The following TMEFF2 variants were observed in gnomAD, a reference collection of about 807,000 sequenced individuals.
TMEFF2 encodes the protein transmembrane protein with EGF like and two follistatin like domains 2.
In TMEFF2, 28 loss-of-function variants were observed where a neutral mutation model predicts 53.8. That is an observed-to-expected ratio of 0.52 (90% confidence interval 0.39 to 0.71). TMEFF2 has a LOEUF of 0.71. TMEFF2 is among the 30% of genes least tolerant of loss of function. The probability of loss-of-function intolerance (pLI) is 0.00; values close to 1 mark genes in which losing one functional copy is unlikely to be tolerated. For missense variants in TMEFF2, 353 were observed against 455.2 expected (o/e 0.78, Z 2.04); for synonymous variants, 162 against 166.3 (o/e 0.97, Z 0.20).
At chr2:192,085,723 C>G (rs567924982) in intron 4 of TMEFF2, among the ~76,000 whole-genome samples, 1 of 135,156 alleles carries the variant, frequency 7.4e-6, no homozygotes, top group Non-Finnish European at 1.6e-5. Context: ...AAAAAAAAAA[C>G]CACAAAAGAG....
intron 4 of TMEFF2, among the ~76,000 whole-genome samples, chr2:192,166,137 A>AT (rs1690761043): frequency 2.0e-5 from 3 of 152,178 alleles, no homozygotes; most frequent in Non-Finnish European, 4.4e-5. Flanking sequence ...TTTGAAAAGA[A>AT]AAATAAGTGA....
intron 5 of TMEFF2, among the ~76,000 whole-genome samples, chr2:192,037,325 GAAAGAAAGAAAAA>G (rs1687337071): frequency 6.9e-6 from 1 of 145,140 alleles, no homozygotes; most frequent in Non-Finnish European, 1.5e-5. Flanking sequence ...AAGAAAGAAA[GAAAGAAAGAAAAA>G]CAGAAAACAG....
chr2:192,095,759 C>T (rs1422541096), intron 4 of TMEFF2, among the ~76,000 whole-genome samples: 1 of 152,142 alleles, frequency 6.6e-6, no homozygotes, highest in African/African-American at 2.4e-5. Flanking sequence ...GCTTTCTGCA[C>T]TCTGGGAGCG....
At chr2:192,103,365 C>A (rs1050355082) in intron 4 of TMEFF2, among the ~76,000 whole-genome samples, 4 of 152,080 alleles carry the variant, frequency 2.6e-5, no homozygotes, top group Admixed American at 2.6e-4. Flanking sequence ...ATCCTGTTCA[C>A]ACCTCTGCTT....
At chr2:192,070,282 A>G (rs1479236094) in intron 4 of TMEFF2, among the ~76,000 whole-genome samples, 1 of 151,730 alleles carries the variant, frequency 6.6e-6, no homozygotes, top group Non-Finnish European at 1.5e-5. Context: ...CCGTCTGACC[A>G]TAACACTGTG....
intron 7 of TMEFF2, among the ~76,000 whole-genome samples, chr2:191,964,385 T>C (rs1692396186): frequency 4.3e-5 from 1 of 23,064 alleles, no homozygotes; most frequent in Non-Finnish European, 9.8e-5. Context: ...TTTCTTTCTT[T>C]CTTTCTTTCT....
At chr2:192,167,395 T>C (rs1015668821) in intron 4 of TMEFF2, among the ~76,000 whole-genome samples, 2 of 152,106 alleles carry the variant, frequency 1.3e-5, no homozygotes, top group African/African-American at 4.8e-5. Flanking sequence ...GTAAATATTG[T>C]ATATGTTAAT....
chr2:192,103,743 G>T (rs1689085606), intron 4 of TMEFF2, among the ~76,000 whole-genome samples: 1 of 151,892 alleles, frequency 6.6e-6, no homozygotes, highest in Non-Finnish European at 1.5e-5. Context: ...GCAATGGTGG[G>T]GTCATTAGTA....
intron 7 of TMEFF2, among the ~76,000 whole-genome samples, chr2:191,958,260 G>A (rs1692165424): frequency 6.6e-6 from 1 of 152,058 alleles, no homozygotes; most frequent in African/African-American, 2.4e-5. Flanking sequence ...TTTATTTCTG[G>A]ACCTTCTTCC....
chr2:192,057,674 A>G lies in TMEFF2; in HGVS notation c.536+5T>C. 1 of 1,612,464 alleles carries G rather than the reference A, an allele frequency of 6.2e-7. No homozygotes were observed. Among genetic ancestry groups the G allele is most frequent in the Non-Finnish European group, 8.5e-7 (1 of 1,178,482 alleles). ...TTGTCTAAAAGAATAAAAACAGCATATTACCAGACATCCTCGGCATCTTCG... is the reference window on the plus strand; with the variant it reads ...TTGTCTAAAAGAATAAAAACAGCATGTTACCAGACATCCTCGGCATCTTCG... On this transcript the variant is annotated splice_donor_5th_base_variant and intron_variant, in intron 5 of 9. Transcript: ENST00000272771.
Position 192,091,886 on chromosome 2 carries a change from C to A in TMEFF2, c.440-34111G>T, listed in dbSNP as rs193151116. Among the ~76,000 whole-genome samples, 32 of 152,144 alleles carry A rather than the reference C, an allele frequency of 2.1e-4. No homozygotes were observed. In the East Asian group the frequency reaches 6.0e-3, roughly 28 times the overall value. On this transcript the variant is annotated intron_variant, in intron 4 of 9. Transcript: ENST00000272771. ...GGGCAGTGACACCTAGGTGCTGAAA[C>A]CCTGTCCTCACTCCAGGAGACGTGT...
At chr2:192,118,998 A>C (rs1689481994) in intron 4 of TMEFF2, among the ~76,000 whole-genome samples, 1 of 152,190 alleles carries the variant, frequency 6.6e-6, no homozygotes. Context: ...CAGAGCTTAT[A>C]AATATACCTT....
At chr2:192,086,925 A>G (rs1368417372) in intron 4 of TMEFF2, among the ~76,000 whole-genome samples, 1 of 152,066 alleles carries the variant, frequency 6.6e-6, no homozygotes, top group African/African-American at 2.4e-5. Flanking sequence ...GATTGGATTT[A>G]AGAAGAAAAT....
intron 3 of TMEFF2, among the ~76,000 whole-genome samples, chr2:192,183,807 G>A (rs1691246144): frequency 6.6e-6 from 1 of 152,020 alleles, no homozygotes; most frequent in African/African-American, 2.4e-5. Flanking sequence ...AGAATCCCAG[G>A]TTAATTGAGT....
At chr2:192,001,903 T>C (rs76859962) in intron 5 of TMEFF2, among the ~76,000 whole-genome samples, 3,026 of 152,260 alleles carry the variant, frequency 0.02, 56 homozygotes, top group African/African-American at 0.049. Flanking sequence ...AAGATAAAAT[T>C]TGATTGAATT....
chr2:192,165,224 A>C (rs747227509), intron 4 of TMEFF2, among the ~76,000 whole-genome samples: 4 of 152,182 alleles, frequency 2.6e-5, no homozygotes, highest in Non-Finnish European at 5.9e-5. Flanking sequence ...CAGACTACAC[A>C]TAAAGACAGT....
In TMEFF2 at chr2:192,191,844, T is replaced by A. The variant is rs748149386; in HGVS notation, c.282+36A>T. 2.1e-6 allele frequency: 3 copies of A among 1,396,184 alleles called. No homozygotes were observed. In the South Asian group the frequency reaches 3.5e-5, roughly 16 times the overall value. The allele number at this position is 1,396,184 out of a possible 1,614,324, so 86.5% of individuals were successfully genotyped here. ...GAAGATTCCTGCTTTGCAGTCTCATTAATGAATTAGAAGATGCAAATATAA... is the reference window on the plus strand; with the variant it reads ...GAAGATTCCTGCTTTGCAGTCTCATAAATGAATTAGAAGATGCAAATATAA... On this transcript the variant is annotated intron_variant, in intron 2 of 9. Transcript: ENST00000272771.
At chr2:192,043,556 AC>A (rs1687537757) in intron 5 of TMEFF2, 1 of 152,274 alleles carries the variant, frequency 6.6e-6, no homozygotes, top group South Asian at 2.1e-4. Context: ...CAGTCAGAGT[AC>A]AGGCTTATGG....
chr2:192,039,529 T>A (rs1352174967), intron 5 of TMEFF2, among the ~76,000 whole-genome samples: 1 of 152,208 alleles, frequency 6.6e-6, no homozygotes, highest in South Asian at 2.1e-4. Context: ...ATAACAGCAA[T>A]TTCTTTTATT....
Sources: allele counts gnomAD v4.1 joint callset (sites outside exome capture counted in the v4.1 genomes callset), GRCh38; gene constraint gnomAD v4.1.1; transcripts MANE v1.5; gene names NCBI Gene and HGNC (gene_info 2026-07-23, HGNC 2026-07-21).